CYP2A13: variants seen among roughly 807,000 people sequenced by gnomAD.
CYP2A13 encodes the protein cytochrome P450 family 2 subfamily A member 13.
In CYP2A13, 30 loss-of-function variants were observed where a neutral mutation model predicts 39.4. The ratio of observed to expected loss-of-function variants is 0.76; its 90% confidence interval spans 0.57 to 1.03. The LOEUF (loss-of-function observed/expected upper bound fraction) is 1.03. Among genes scored for constraint, CYP2A13 ranks in the 50% least tolerant of loss-of-function variants. The probability of loss-of-function intolerance (pLI) is 0.00; values close to 1 mark genes in which losing one functional copy is unlikely to be tolerated. For synonymous variants in CYP2A13, 269 were observed against 254.7 expected, an observed-to-expected ratio of 1.06 and a Z score of -0.54; for missense variants, 731 against 648.4, an observed-to-expected ratio of 1.13 and a Z score of -1.38.
chr19:41,095,130 C>T (rs754869860), intron 8 of CYP2A13, 30 bp downstream of exon 8: 20 of 1,613,824 alleles, frequency 1.2e-5, no homozygotes, highest in Middle Eastern at 1.6e-4. Flanking sequence ...TGCCAGGCCA[C>T]GGCTCACACC....
intron 5 of CYP2A13, among the ~76,000 whole-genome samples, chr19:41,093,198 C>T (rs1332897686): frequency 6.6e-6 from 1 of 151,230 alleles, no homozygotes; most frequent in African/African-American, 2.4e-5. Flanking sequence ...CAGAATAAGA[C>T]CGTGTCTCAA....
intron 6 of CYP2A13, 125 bp from the exon 7 acceptor site, chr19:41,094,120 T>C (rs1027669551): frequency 4.6e-5 from 66 of 1,430,176 alleles, no homozygotes; most frequent in Non-Finnish European, 4.8e-5. Flanking sequence ...ATGTCTGTTC[T>C]GTTATGAATG....
chr19:41,090,210 C>A lies in CYP2A13; in HGVS notation c.493+14C>A. 6.4e-7 allele frequency: 1 copy of A among 1,555,372 alleles called. No homozygotes were observed. The highest frequency in any genetic ancestry group is 1.2e-5 in the South Asian group (1 of 81,132). ...GGGGCACGCACGGTGAGTAGGGGAC[C>A]CCGAGTGCGAGGGCGGGAACCCGCG... On this transcript the variant is annotated intron_variant, in intron 3 of 8. Transcript: ENST00000330436.
At position 41,091,871 on chromosome 19, in the gene CYP2A13, G is replaced by A. The variant is rs766780855; in HGVS notation, c.794G>A (p.Arg265Gln). 1.5e-5 allele frequency: 25 copies of A among 1,614,210 alleles called. No homozygotes were observed. The highest frequency in any genetic ancestry group is 9.9e-5 in the South Asian group (9 of 91,082). ...CGCACGCTGGATCCCAATTCCCCACGGGACTTCATCGACTCCTTTCTCATC... is the reference window on the plus strand; with the variant it reads ...CGCACGCTGGATCCCAATTCCCCACAGGACTTCATCGACTCCTTTCTCATC... ...NQRTLDPNSP[R>Q]DFIDSFLIRM... The change falls in exon 5 of 9, where the codon CGG (arginine) becomes CAG (glutamine). Residue 265 changes from arginine to glutamine, a missense_variant. Transcript: ENST00000330436.
At position 41,091,870 on chromosome 19, in the gene CYP2A13, C is replaced by T. The variant is rs143140637; in HGVS notation, c.793C>T (p.Arg265Trp). 79 of 1,614,236 alleles carry T rather than the reference C, an allele frequency of 4.9e-5. No individual in the cohort carries two copies. In the African/African-American group the frequency reaches 6.7e-4, roughly 14 times the overall value. Residue 265 changes from arginine to tryptophan, a missense_variant, in exon 5 of 9, where the codon CGG becomes TGG. Transcript: ENST00000330436. ...NQRTLDPNSP[R>W]DFIDSFLIRM... Reference sequence around the variant, plus strand: ...GCGCACGCTGGATCCCAATTCCCCACGGGACTTCATCGACTCCTTTCTCAT... The same window carrying T: ...GCGCACGCTGGATCCCAATTCCCCATGGGACTTCATCGACTCCTTTCTCAT...
intron 2 of CYP2A13, among the ~76,000 whole-genome samples, chr19:41,089,671 T>TC (rs1310060002): frequency 6.6e-6 from 1 of 151,726 alleles, no homozygotes; most frequent in Non-Finnish European, 1.5e-5. Flanking sequence ...TCACTTCCCC[T>TC]CCCTCCATCT....
intron 5 of CYP2A13, 56 bp downstream of exon 5, chr19:41,091,964 A>T: frequency 6.2e-6 from 10 of 1,601,688 alleles, no homozygotes; most frequent in Non-Finnish European, 6.8e-6. Context: ...GGAAATCAGG[A>T]TGGGAGTGGG....
intron 6 of CYP2A13, 115 bp from the exon 7 acceptor site, chr19:41,094,130 G>T: frequency 6.8e-7 from 1 of 1,466,682 alleles, no homozygotes. Context: ...TGTTATGAAT[G>T]GTCTACCTCC....
chr19:41,093,850 T>C, intron 6 of CYP2A13, 79 bp downstream of exon 6: 2 of 1,524,152 alleles, frequency 1.3e-6, no homozygotes, highest in Admixed American at 2.0e-5. Flanking sequence ...TACCCACCTA[T>C]CCCAGATCCC....
In CYP2A13 at chr19:41,091,897, C is replaced by T. The variant is rs145048388; in HGVS notation, c.820C>T (p.Arg274Cys). 127 of 1,614,174 alleles carry T rather than the reference C, an allele frequency of 7.9e-5. No homozygotes were observed. Among genetic ancestry groups the T allele is most frequent in the Admixed American group, 4.2e-4 (25 of 60,030 alleles). Residue 274 changes from arginine to cysteine, a missense_variant, in exon 5 of 9, where the codon CGC becomes TGC. Physicochemically the swap from Arg to Cys is radical, Grantham distance 180. Transcript: ENST00000330436. ...GGACTTCATCGACTCCTTTCTCATC[C>T]GCATGCAGGAGGTACATCCCAGCAG... ...PRDFIDSFLI[R>C]MQEEEKNPNT...
At position 41,095,975 on chromosome 19, in the gene CYP2A13, G is replaced by A. The variant is rs768408643; in HGVS notation, c.*34G>A. The A allele has an allele frequency of 6.2e-7, 1 of 1,613,152 alleles. No individual in the cohort carries two copies. Among genetic ancestry groups the A allele is most frequent in the South Asian group, 1.1e-5 (1 of 91,036 alleles). ...TGTGCTGGTGCAGGGCTGGTGGGCG[G>A]GGCCAGGGAAACGGCCGGGGCAGGG... is the stretch of plus-strand genomic sequence containing the variant. On this transcript the variant is annotated 3_prime_UTR_variant, in exon 9 of 9. Transcript: ENST00000330436.
At position 41,094,413 on chromosome 19, in the gene CYP2A13, G is replaced by T; in HGVS notation, c.1142G>T (p.Arg381Leu). The T allele has an allele frequency of 6.2e-7, 1 of 1,613,922 alleles. No homozygotes were observed. ...AHRVNKDTKF[R>L]DFFLPKGTEV... The stretch of plus-strand genomic sequence containing the variant: ...AGGGTCAACAAGGACACCAAGTTTC[G>T]GGATTTCTTCCTCCCTAAGGTGCTG... Residue 381 changes from arginine to leucine, a missense_variant, in exon 7 of 9, where the codon CGG becomes CTG. Coordinates refer to ENST00000330436, the MANE Select transcript of CYP2A13 (RefSeq NM_000766.5).
chr19:41,090,002 C>A, intron 2 of CYP2A13, 45 bp from the exon 3 acceptor site: 1 of 1,558,924 alleles, frequency 6.4e-7, no homozygotes, highest in African/African-American at 1.4e-5. Flanking sequence ...GCTCCTGCTC[C>A]CGCCGCCCCC....
chr19:41,094,117 T>C, intron 6 of CYP2A13, 128 bp from the exon 7 acceptor site: 3 of 1,421,730 alleles, frequency 2.1e-6, no homozygotes, highest in East Asian at 2.4e-5. Context: ...CTGATGTCTG[T>C]TCTGTTATGA....
rs1204439788 is a variant in CYP2A13 at position 41,095,836 on chromosome 19, T to C, written c.1380T>C (p.Phe460=). The C allele has an allele frequency of 1.9e-6, 3 of 1,613,964 alleles. No homozygotes were observed. The highest frequency in any genetic ancestry group is 3.3e-5 in the Admixed American group (2 of 60,000). The change falls in exon 9 of 9, where the codon TTT becomes TTC. Residue 460 remains phenylalanine (F), a synonymous_variant. Coordinates refer to ENST00000330436, the MANE Select transcript of CYP2A13 (RefSeq NM_000766.5). The part of the protein sequence containing the change: ...FLFFTTIMQN[F]RFKSPQSPKD... ...TCTTCACCACCATCATGCAGAACTT[T>C]CGCTTCAAGTCCCCTCAGTCGCCTA...
chr19:41,089,827 TCTCTC>T (rs2031132648), intron 2 of CYP2A13, among the ~76,000 whole-genome samples: 1 of 96,620 alleles, frequency 1.0e-5, no homozygotes, highest in Non-Finnish European at 2.0e-5. Context: ...TCTCTCTCTC[TCTCTC>T]TCTCTCTCTC....
intron 7 of CYP2A13, 40 bp from the exon 8 acceptor site, chr19:41,094,919 C>CA: frequency 6.2e-7 from 1 of 1,611,002 alleles, no homozygotes; most frequent in Non-Finnish European, 8.5e-7. Flanking sequence ...CCAATCCCCC[C>CA]AACCTGCCTC....
chr19:41,088,794 GAC>G, intron 1 of CYP2A13, 133 bp from the exon 2 acceptor site: 5 of 1,539,388 alleles, frequency 3.2e-6, no homozygotes, highest in Non-Finnish European at 4.4e-6. Flanking sequence ...TAGCAGGAAA[GAC>G]AGGATCTTGG....
Position 41,090,434 on chromosome 19 carries a change from G to A in CYP2A13, c.524G>A (p.Ser175Asn), listed in dbSNP as rs778349638. The A allele has an allele frequency of 5.6e-6, 9 of 1,614,118 alleles. No homozygotes were observed. The East Asian group carries it at 2.0e-4, about 36-fold the overall frequency. ...AATATCGATCCCACCTTCTTCCTGA[G>A]CCGCACAGTCTCCAATGTCATCAGC... Reference protein sequence around the residue: ...GANIDPTFFLSRTVSNVISSI... With the variant: ...GANIDPTFFLNRTVSNVISSI... Residue 175 changes from serine to asparagine, a missense_variant, in exon 4 of 9, where the codon AGC (serine) becomes AAC (asparagine). Ser to Asn is a conservative substitution (Grantham distance 46, BLOSUM62 1). Transcript: ENST00000330436.
Sources: gnomAD v4.1 joint callset for allele counts (sites outside exome capture counted in the v4.1 genomes callset) on GRCh38, gnomAD v4.1.1 for gene constraint, MANE v1.5 for transcripts, NCBI Gene and HGNC (gene_info 2026-07-23, HGNC 2026-07-21) for gene names.